The following MAF variants were observed in gnomAD, a reference collection of about 807,000 sequenced individuals.
The protein encoded by MAF is MAF bZIP transcription factor, also known as transcription factor Maf.
A neutral mutation model predicts 22.0 loss-of-function variants in MAF; 10 were observed. That is an observed-to-expected ratio of 0.45 (90% CI 0.28 to 0.77). MAF has a LOEUF of 0.77. Ranked by LOEUF, MAF falls within the 30% of genes least tolerant of loss-of-function variation. The pLI, the probability that MAF is intolerant of heterozygous loss-of-function variation, is 0.12. For missense variants in MAF, 544 were observed against 548.4 expected (o/e 0.99, Z 0.08); for synonymous variants, 337 against 255.8 (o/e 1.32, Z -3.03).
chr16:79,583,808 G>A (rs572738127), downstream of MAF, among the ~76,000 whole-genome samples: 3 of 152,232 alleles, frequency 2.0e-5, no homozygotes, highest in African/African-American at 7.2e-5. Context: ...TGGCAAAGAT[G>A]GTACCATGGA....
the MAF span, among the ~76,000 whole-genome samples, chr16:79,544,497 G>T: frequency 6.6e-6 from 1 of 151,730 alleles, no homozygotes; most frequent in Non-Finnish European, 1.5e-5. Context: ...AATAGCAGCC[G>T]GGCATGGTGG....
the MAF span, among the ~76,000 whole-genome samples, chr16:79,565,207 A>C: frequency 6.6e-6 from 1 of 152,170 alleles, no homozygotes; most frequent in Non-Finnish European, 1.5e-5. Flanking sequence ...AGCTGGGTCT[A>C]TGGGAGTTGA....
the MAF span, among the ~76,000 whole-genome samples, chr16:79,223,904 G>C: frequency 7.9e-5 from 12 of 152,150 alleles, no homozygotes; most frequent in Non-Finnish European, 2.9e-5. Flanking sequence ...GGACCAGAGG[G>C]ATTCAAAGCC....
the MAF span, among the ~76,000 whole-genome samples, chr16:79,542,498 C>A: frequency 6.6e-6 from 1 of 152,202 alleles, no homozygotes; most frequent in African/African-American, 2.4e-5. Context: ...ACACTACCCC[C>A]AGCCACCCCC....
the MAF span, among the ~76,000 whole-genome samples, chr16:79,362,227 T>C: frequency 6.6e-6 from 1 of 152,224 alleles, no homozygotes; most frequent in South Asian, 2.1e-4. Context: ...ACATAGTCAG[T>C]GCACATAAAT....
At chr16:79,283,545 AG>A in the MAF span, among the ~76,000 whole-genome samples, 1 of 152,330 alleles carries the variant, frequency 6.6e-6, no homozygotes, top group South Asian at 2.1e-4. Flanking sequence ...ACTGAAAGAA[AG>A]GGAATGACAA....
At chr16:79,247,051 G>C in the MAF span, among the ~76,000 whole-genome samples, 1 of 152,216 alleles carries the variant, frequency 6.6e-6, no homozygotes, top group Non-Finnish European at 1.5e-5. Flanking sequence ...ATAAATCACA[G>C]TGCTGTGATA....
Position 79,600,483 on chromosome 16 carries a change from ATTTT to A in MAF, c.-585_-582del, listed in dbSNP as rs908061098. ...CCTCTTCTGCTTGGCTCTCTTTATTATTTTTTTTCTTTCCTCTCTCTCCCTCGCG... is the reference window on the plus strand; with the variant it reads ...CCTCTTCTGCTTGGCTCTCTTTATTATTTTCTTTCCTCTCTCTCCCTCGCG... On this transcript the variant is annotated 5_prime_UTR_variant, in exon 1 of 2. Transcript: ENST00000326043. 1 of 191,010 alleles carries A rather than the reference ATTTT, an allele frequency of 5.2e-6. No individual in the cohort carries two copies. The highest frequency in any genetic ancestry group is 9.2e-5 in the East Asian group (1 of 10,822). The allele number at this position is 191,010 out of a possible 1,614,324, so 11.8% of individuals were successfully genotyped here.
At chr16:79,510,010 G>A in the MAF span, among the ~76,000 whole-genome samples, 2 of 152,146 alleles carry the variant, frequency 1.3e-5, no homozygotes, top group Non-Finnish European at 2.9e-5. Context: ...TTCCTAAATC[G>A]CTTTGGACAT....
chr16:79,324,565 A>G, the MAF span, among the ~76,000 whole-genome samples: 2 of 152,146 alleles, frequency 1.3e-5, no homozygotes, highest in African/African-American at 4.8e-5. Context: ...TCTTTATGTT[A>G]TACAAATAAG....
the MAF span, among the ~76,000 whole-genome samples, chr16:79,417,833 G>C: frequency 6.6e-6 from 1 of 151,844 alleles, no homozygotes; most frequent in Non-Finnish European, 1.5e-5. Flanking sequence ...GACGCTGCTG[G>C]AGAGCTCCAC....
chr16:79,516,938 A>T, the MAF span, among the ~76,000 whole-genome samples: 1 of 152,218 alleles, frequency 6.6e-6, no homozygotes, highest in African/African-American at 2.4e-5. Context: ...ATGGCTAGGA[A>T]AAGGTTGAGA....
the MAF span, among the ~76,000 whole-genome samples, chr16:79,411,030 T>C: frequency 2.6e-5 from 4 of 152,222 alleles, no homozygotes; most frequent in African/African-American, 7.2e-5. Context: ...CCATTTTTCC[T>C]TCCTCCAAGA....
chr16:79,255,865 G>A, the MAF span, among the ~76,000 whole-genome samples: 1 of 151,910 alleles, frequency 6.6e-6, no homozygotes, highest in Non-Finnish European at 1.5e-5. Context: ...GAGGAGCAAT[G>A]TTTGTCAAGT....
chr16:79,306,529 G>A, the MAF span, among the ~76,000 whole-genome samples: 2 of 152,196 alleles, frequency 1.3e-5, no homozygotes, highest in African/African-American at 4.8e-5. Context: ...ATTATGAGAT[G>A]TAATAAGACT....
At chr16:79,230,986 C>T in the MAF span, among the ~76,000 whole-genome samples, 4 of 152,138 alleles carry the variant, frequency 2.6e-5, no homozygotes, top group Admixed American at 1.3e-4. Context: ...TGCAGCTTGT[C>T]GGGTTGGTCA....
the MAF span, among the ~76,000 whole-genome samples, chr16:79,480,665 G>A: frequency 6.6e-6 from 1 of 152,198 alleles, no homozygotes; most frequent in Non-Finnish European, 1.5e-5. Flanking sequence ...TGGGATCTCA[G>A]AAGCCAGGAA....
the MAF span, among the ~76,000 whole-genome samples, chr16:79,544,114 A>T: frequency 6.6e-6 from 1 of 152,100 alleles, no homozygotes; most frequent in East Asian, 1.9e-4. Context: ...AACAAGTGGT[A>T]TGATATGGTC....
At chr16:79,202,768 G>A in the MAF span, 1 of 152,150 alleles carries the variant, frequency 6.6e-6, no homozygotes, top group Non-Finnish European at 1.5e-5. Flanking sequence ...TAGCTTGTTA[G>A]TATTTACATA....
Sources: allele counts gnomAD v4.1 joint callset (sites outside exome capture counted in the v4.1 genomes callset), GRCh38; gene constraint gnomAD v4.1.1; transcripts MANE v1.5; gene names NCBI Gene and HGNC (gene_info 2026-07-23, HGNC 2026-07-21).